The following PRSS23 variants were observed in gnomAD, a reference collection of about 807,000 sequenced individuals.
PRSS23 encodes the protein protease, serine 23.
PRSS23 carries 25 observed loss-of-function variants against 34.7 expected under a neutral mutation model. The ratio of observed to expected loss-of-function variants is 0.72; its 90% CI spans 0.53 to 1.01. The LOEUF is 1.01. PRSS23 is among the 50% of genes least tolerant of loss of function. The probability of loss-of-function intolerance (pLI) is 0.00; values close to 1 mark genes in which losing one functional copy is unlikely to be tolerated. For synonymous variants in PRSS23, 176 were observed against 186.6 expected (o/e 0.94, Z 0.46); for missense variants, 445 against 475.6 (o/e 0.94, Z 0.60).
chr11:86,791,825 G>A (rs1283815933), intron 1 of PRSS23, among the ~76,000 whole-genome samples: 3 of 152,184 alleles, frequency 2.0e-5, no homozygotes, highest in Non-Finnish European at 2.9e-5. Flanking sequence ...ACTGCTCAGA[G>A]GGCCTATGCT....
In PRSS23 at chr11:86,842,195, C is replaced by A. The variant is rs1466638559; in HGVS notation, c.206+18602C>A. 4.6e-5 allele frequency among the ~76,000 whole-genome samples: 7 copies of A among 152,170 alleles called. No individual in the cohort carries two copies. The East Asian group carries it at 1.3e-3, about 29-fold the overall frequency. ...AAGAACAAAAACTACATGATTATCTCAATAGATGCAGAAAAGACCTTTGAC... is the reference window on the plus strand; with the variant it reads ...AAGAACAAAAACTACATGATTATCTAAATAGATGCAGAAAAGACCTTTGAC... On this transcript the variant is annotated intron_variant, in intron 2 of 2. Coordinates refer to the PRSS23 transcript ENST00000533902.
chr11:86,897,019 G>T (rs1412345810), intron 2 of PRSS23, among the ~76,000 whole-genome samples: 1 of 152,152 alleles, frequency 6.6e-6, no homozygotes, highest in African/African-American at 2.4e-5. Context: ...CATAAGAAAT[G>T]ATTTTTTAAA....
chr11:86,848,535 A>G (rs1201439542), intron 2 of PRSS23, among the ~76,000 whole-genome samples: 5 of 152,188 alleles, frequency 3.3e-5, no homozygotes, highest in Admixed American at 6.5e-5. Flanking sequence ...TACCCAGGGA[A>G]AAGAAGAAAA....
At chr11:86,930,046 GTAT>G (rs1489754640) in intron 2 of PRSS23, among the ~76,000 whole-genome samples, 2 of 151,842 alleles carry the variant, frequency 1.3e-5, no homozygotes, top group African/African-American at 4.8e-5. Flanking sequence ...TACAAATATA[GTAT>G]TATACTATAC....
intron 2 of PRSS23, among the ~76,000 whole-genome samples, chr11:86,916,402 A>G (rs529524872): frequency 1.4e-4 from 22 of 152,180 alleles, no homozygotes; most frequent in African/African-American, 4.3e-4. Flanking sequence ...CCCCAAATCC[A>G]CCTCTGGCTT....
chr11:86,948,515 G>GA (rs1194785975), intron 2 of PRSS23: 1 of 152,186 alleles, frequency 6.6e-6, no homozygotes, highest in Non-Finnish European at 1.5e-5. Flanking sequence ...TCTGGAATGT[G>GA]AAAGGAGAGG....
intron 2 of PRSS23, among the ~76,000 whole-genome samples, chr11:86,944,296 C>T (rs1447113038): frequency 2.0e-5 from 3 of 151,616 alleles, no homozygotes; most frequent in Non-Finnish European, 4.4e-5. Context: ...GATTAGAACC[C>T]ACCCTAATCT....
At position 86,845,181 on chromosome 11, in the gene PRSS23, A is replaced by G. The variant is rs374161748; in HGVS notation, c.206+21588A>G. The stretch of plus-strand genomic sequence containing the variant: ...AGGAAGGTTCTATTCAATAATTAAC[A>G]TAGATTTTTACTTTTGCTATCTCCT... On this transcript the variant is annotated intron_variant, in intron 2 of 2. Transcript: ENST00000533902. Among the ~76,000 whole-genome samples the G allele has an allele frequency of 2.0e-5, 3 of 152,270 alleles. No homozygotes were observed. In the South Asian group the frequency reaches 6.2e-4, roughly 32 times the overall value.
chr11:86,898,280 G>T (rs938853649), intron 2 of PRSS23, among the ~76,000 whole-genome samples: 2 of 152,100 alleles, frequency 1.3e-5, no homozygotes, highest in African/African-American at 4.8e-5. Flanking sequence ...AGTGAAGAAG[G>T]CCCCTAAAAC....
chr11:86,908,669 T>A (rs1242869678), intron 2 of PRSS23, among the ~76,000 whole-genome samples: 1 of 152,144 alleles, frequency 6.6e-6, no homozygotes, highest in Non-Finnish European at 1.5e-5. Context: ...TGTAGAAACA[T>A]GGAAAATGTT....
At chr11:86,799,845 C>A (rs1345958175), upstream of PRSS23, among the ~76,000 whole-genome samples, 1 of 152,170 alleles carries the variant, frequency 6.6e-6, no homozygotes, top group Non-Finnish European at 1.5e-5. Context: ...TCAGAAGCTG[C>A]CAAGCACCCC....
At position 86,809,282 on chromosome 11, in the gene PRSS23, T is replaced by G. The variant is rs893790420; in HGVS notation, c.*487T>G. 1 of 167,918 alleles carries G rather than the reference T, an allele frequency of 6.0e-6. No homozygotes were observed. Among genetic ancestry groups the G allele is most frequent in the Non-Finnish European group, 1.5e-5 (1 of 68,768 alleles). 10.4% of individuals were successfully genotyped at this position (167,918 alleles called of 1,614,324 possible). A position where few individuals can be genotyped will look rare whatever the true frequency, so the allele number is the denominator to read the frequency against. The stretch of plus-strand genomic sequence containing the variant: ...GATCTTTAATGCTTCCATAAGGCAG[T>G]GTTCCCATTTAGGAACTTTGACAGC... On this transcript the variant is annotated 3_prime_UTR_variant, in exon 2 of 2. Transcript: ENST00000280258.
intron 2 of PRSS23, chr11:86,946,665 C>G (rs914199497): frequency 5.2e-5 from 8 of 152,582 alleles, no homozygotes; most frequent in Non-Finnish European, 7.3e-5. Context: ...AGTATCTGAT[C>G]CTTGGTAGGA....
chr11:86,846,675 C>T (rs1948488653), intron 2 of PRSS23, among the ~76,000 whole-genome samples: 1 of 152,184 alleles, frequency 6.6e-6, no homozygotes, highest in Non-Finnish European at 1.5e-5. Flanking sequence ...TAATGTCCAC[C>T]AGTTAGACTT....
chr11:86,792,468 A>C (rs541150818), intron 1 of PRSS23, among the ~76,000 whole-genome samples: 1 of 152,144 alleles, frequency 6.6e-6, no homozygotes, highest in Non-Finnish European at 1.5e-5. Context: ...CTTCACCTCC[A>C]TAAGTAGCCA....
intron 2 of PRSS23, chr11:86,935,122 C>A (rs991239027): frequency 3.9e-5 from 6 of 152,254 alleles, no homozygotes; most frequent in African/African-American, 1.4e-4. Context: ...AATAACTAAT[C>A]CCTCTGAAAC....
chr11:86,797,635 C>G (rs1947989859), upstream of PRSS23, among the ~76,000 whole-genome samples: 1 of 152,166 alleles, frequency 6.6e-6, no homozygotes, highest in African/African-American at 2.4e-5. Flanking sequence ...ATGACTCTAA[C>G]TTGAAACATT....
intron 2 of PRSS23, among the ~76,000 whole-genome samples, chr11:86,916,103 G>T (rs1949011102): frequency 6.6e-6 from 1 of 152,010 alleles, no homozygotes; most frequent in Non-Finnish European, 1.5e-5. Flanking sequence ...GGAAGTATTT[G>T]TCATATAAAG....
intron 2 of PRSS23, among the ~76,000 whole-genome samples, chr11:86,878,604 G>A (rs950022916): frequency 2.0e-5 from 3 of 152,018 alleles, no homozygotes; most frequent in African/African-American, 7.2e-5. Context: ...GCGTGATCTC[G>A]GCTCGCTACA....
Sources: gnomAD v4.1 joint callset for allele counts (sites outside exome capture counted in the v4.1 genomes callset) on GRCh38, gnomAD v4.1.1 for gene constraint, MANE v1.5 for transcripts, NCBI Gene and HGNC (gene_info 2026-07-23, HGNC 2026-07-21) for gene names.